The following KNG1 variants were observed in gnomAD, a reference collection of about 807,000 sequenced individuals.
KNG1 encodes the protein kininogen-1.
A neutral mutation model predicts 47.8 loss-of-function variants in KNG1; 23 were observed. That is an observed-to-expected ratio of 0.48 (90% confidence interval 0.35 to 0.68). The LOEUF (loss-of-function observed/expected upper bound fraction) is 0.68, where lower values mean the gene tolerates loss of function less well. KNG1 is among the 30% of genes least tolerant of loss of function. KNG1 has a pLI of 0.01. For synonymous variants in KNG1, 277 were observed against 277.0 expected, an observed-to-expected ratio of 1.00 and a Z score of 0.00; for missense variants, 762 against 790.2, an observed-to-expected ratio of 0.96 and a Z score of 0.43.
rs561269239 is a variant in KNG1, at chr3:186,738,964, C to CAT, written c.931-135_931-134insAT. On this transcript the variant is annotated intron_variant, in intron 7 of 9. Coordinates refer to ENST00000644859, the MANE Select transcript of KNG1 (RefSeq NM_001102416.3). ...ATGCATGCCAAGCTTTAATGCCAAA[C>CAT]GTGTACTTTTTTGTATGTAACTCTC... 412 of 750,712 alleles carry CAT rather than the reference C, an allele frequency of 5.5e-4. 2 individuals are homozygous for CAT. The African/African-American group carries it at 6.3e-3, about 11-fold the overall frequency. The allele number at this position is 750,712 out of a possible 1,614,324, so 46.5% of individuals were successfully genotyped here.
In KNG1 at chr3:186,742,378, T is replaced by C; in HGVS notation, c.*47T>C. The C allele has an allele frequency of 2.5e-6, 4 of 1,607,878 alleles. No homozygotes were observed. Among genetic ancestry groups the C allele is most frequent in the Non-Finnish European group, 3.4e-6 (4 of 1,179,698 alleles). On this transcript the variant is annotated 3_prime_UTR_variant, in exon 10 of 10. Transcript: ENST00000644859. ...CTTTCATACTTTATTAAAGTATCAA[T>C]ATCCCTCTCTCCATTGTCCAGATGA...
rs1405531948 is a variant in KNG1 at position 186,743,868 on chromosome 3, T to C, written c.*1537T>C. ...TTGAGAGGAAGGACAAGAAGAAAGATGGGATAGAATTTAAATAGAGAAGAA... is the reference window on the plus strand; with the variant it reads ...TTGAGAGGAAGGACAAGAAGAAAGACGGGATAGAATTTAAATAGAGAAGAA... On this transcript the variant is annotated 3_prime_UTR_variant, in exon 10 of 10. Coordinates refer to ENST00000644859, the MANE Select transcript of KNG1 (RefSeq NM_001102416.3). The C allele has an allele frequency of 4.2e-6, 4 of 948,324 alleles. No homozygotes were observed. The highest frequency in any genetic ancestry group is 6.9e-6 in the Non-Finnish European group (4 of 577,916). The allele number at this position is 948,324 out of a possible 1,614,324, so 58.7% of individuals were successfully genotyped here. A position where few individuals can be genotyped will look rare whatever the true frequency, so the allele number is the denominator to read the frequency against.
At chr3:186,735,124 T>G (rs1339906420) in intron 7 of KNG1, among the ~76,000 whole-genome samples, 1 of 152,208 alleles carries the variant, frequency 6.6e-6, no homozygotes, top group Non-Finnish European at 1.5e-5. Flanking sequence ...TTTTTCAGCT[T>G]TAACTTCTCA....
At chr3:186,726,288 T>G (rs1205370390) in intron 4 of KNG1, among the ~76,000 whole-genome samples, 5 of 97,964 alleles carry the variant, frequency 5.1e-5, no homozygotes, top group African/African-American at 1.0e-4. Flanking sequence ...TTTTTTTTTT[T>G]TTTTTTGTTT....
chr3:186,742,733 A>C lies in KNG1; in HGVS notation c.*402A>C. 2 of 1,038,906 alleles carry C rather than the reference A, an allele frequency of 1.9e-6. No homozygotes were observed. Among genetic ancestry groups the C allele is most frequent in the Non-Finnish European group, 2.3e-6 (2 of 863,212 alleles). The allele number at this position is 1,038,906 out of a possible 1,614,324, so 64.4% of individuals were successfully genotyped here. A position where few individuals can be genotyped will look rare whatever the true frequency, so the allele number is the denominator to read the frequency against. ...TTTGAATGTGTGTGAAAATAAGGGA[A>C]GTCAAGAGATTAAATGCTGAACTTA... On this transcript the variant is annotated 3_prime_UTR_variant, in exon 10 of 10. Transcript: ENST00000644859.
Position 186,730,743 on chromosome 3 carries a change from C to CAT in KNG1, c.673-792_673-791dup, listed in dbSNP as rs201763561. Among the ~76,000 whole-genome samples the CAT allele has an allele frequency of 2.0e-3, 257 of 129,782 alleles. 2 individuals carry two copies. Among genetic ancestry groups the CAT allele is most frequent in the African/African-American group, 6.8e-3 (235 of 34,448 alleles). The allele number at this position is 129,782 out of a possible 152,430, so 85.1% of individuals were successfully genotyped here. ...ACACACACACACATATATATATACACATATATATATACACATATATATATA... is the reference window on the plus strand; with the variant it reads ...ACACACACACACATATATATATACACATATATATATATACACATATATATATA... On this transcript the variant is annotated intron_variant, in intron 5 of 9. Transcript: ENST00000644859.
chr3:186,725,138 C>G lies in KNG1; in HGVS notation c.442C>G (p.Pro148Ala), dbSNP rs867469799. 4 of 1,614,108 alleles carry G rather than the reference C, an allele frequency of 2.5e-6. No individual in the cohort carries two copies. Among genetic ancestry groups the G allele is most frequent in the Non-Finnish European group, 2.5e-6 (3 of 1,180,024 alleles). ...AQYDCLGCVH[P>A]ISTQSPDLEP... Reference sequence around the variant, plus strand: ...GTACGACTGCCTCGGCTGTGTGCATCCTATATCAACGCAGAGCCCAGACCT... The same window carrying G: ...GTACGACTGCCTCGGCTGTGTGCATGCTATATCAACGCAGAGCCCAGACCT... The change falls in exon 4 of 10, where the codon CCT becomes GCT. Residue 148 changes from proline to alanine, a missense_variant. Physicochemically the swap from Pro to Ala is conservative, Grantham distance 27. Coordinates refer to ENST00000644859, the MANE Select transcript of KNG1 (RefSeq NM_001102416.3).
rs768052381 is a variant in KNG1 at position 186,732,568 on chromosome 3, G to A, written c.824G>A (p.Ser275Asn). ...TGCCCCAGAGATATACCCACCAACAGCCCAGAGCTGGAGGAGACACTGACT... is the reference window on the plus strand; with the variant it reads ...TGCCCCAGAGATATACCCACCAACAACCCAGAGCTGGAGGAGACACTGACT... ...VGCPRDIPTN[S>N]PELEETLTHT... Residue 275 changes from serine to asparagine, a missense_variant, in exon 7 of 10, where the codon AGC (serine) becomes AAC (asparagine). Coordinates refer to ENST00000644859, the MANE Select transcript of KNG1 (RefSeq NM_001102416.3). The A allele has an allele frequency of 3.1e-6, 5 of 1,614,004 alleles. No homozygotes were observed. In the African/African-American group the frequency reaches 6.7e-5, roughly 22 times the overall value.
intron 2 of KNG1, chr3:186,721,540 A>G (rs1283386157): frequency 6.6e-6 from 1 of 152,270 alleles, no homozygotes; most frequent in Non-Finnish European, 1.5e-5. Context: ...GTGTTTGCAC[A>G]CATACTGTTC....
Position 186,741,603 on chromosome 3 carries a change from A to G in KNG1, c.1207A>G (p.Ser403Gly). ...IGEIKEETTVSPPHTSMAPAQ... is the reference protein window; with the variant it reads ...IGEIKEETTVGPPHTSMAPAQ... ...GGAAATAAAAGAAGAAACAACTGTA[A>G]GTCCACCCCACACTTCCATGGCACC... is the stretch of plus-strand genomic sequence containing the variant. Residue 403 changes from serine to glycine, a missense_variant, in exon 10 of 10, where the codon AGT (serine) becomes GGT (glycine). Transcript: ENST00000644859. 6.2e-7 allele frequency: 1 copy of G among 1,611,348 alleles called. No individual in the cohort carries two copies. The highest frequency in any genetic ancestry group is 8.5e-7 in the Non-Finnish European group (1 of 1,179,294).
chr3:186,720,509 A>C (rs1579112534), intron 2 of KNG1: 2 of 388,198 alleles, frequency 5.2e-6, no homozygotes, highest in East Asian at 1.1e-4. Context: ...CATTTGGGCC[A>C]AGCCAAAGAG....
chr3:186,727,020 ATG>A (rs139519865), intron 4 of KNG1, among the ~76,000 whole-genome samples: 24 of 104,580 alleles, frequency 2.3e-4, no homozygotes, highest in Non-Finnish European at 2.7e-4. Context: ...CTAGCGGTGT[ATG>A]TGTGTGTGTG....
At chr3:186,738,613 G>A (rs574079296) in intron 7 of KNG1, 21 of 159,608 alleles carry the variant, frequency 1.3e-4, no homozygotes, top group East Asian at 3.7e-4. Context: ...TTGGGAGGCC[G>A]AGGCAGGTGG....
rs531439141 is a variant in KNG1 at position 186,744,379 on chromosome 3, T to C, written c.*2048T>C. On this transcript the variant is annotated 3_prime_UTR_variant, in exon 10 of 10. Coordinates refer to ENST00000644859, the MANE Select transcript of KNG1 (RefSeq NM_001102416.3). Reference sequence around the variant, plus strand: ...TTTCTGATCCAGGTAAAGAAGCAAATTGAAAATCAATAAAGTAAAAAGTGA... The same window carrying C: ...TTTCTGATCCAGGTAAAGAAGCAAACTGAAAATCAATAAAGTAAAAAGTGA... The C allele has an allele frequency of 2.0e-5, 3 of 153,428 alleles. No homozygotes were observed. The highest frequency in any genetic ancestry group is 1.9e-4 in the East Asian group (1 of 5,218). The allele number at this position is 153,428 out of a possible 1,614,324, so 9.5% of individuals were successfully genotyped here.
chr3:186,729,728 A>G (rs5030034), intron 5 of KNG1, among the ~76,000 whole-genome samples: 2,093 of 151,692 alleles, frequency 0.014, 46 homozygotes, highest in African/African-American at 0.048. Context: ...GCTGGAGTGC[A>G]ATAGCGCGAT....
chr3:186,720,085 T>G lies in KNG1; in HGVS notation c.196-20T>G. ...TTGGGTCAGTTGGATGAACCCTAAG[T>G]ATCTTTGGCTGCTTTTCAGGTTGGC... On this transcript the variant is annotated intron_variant, in intron 1 of 9. Coordinates refer to ENST00000644859, the MANE Select transcript of KNG1 (RefSeq NM_001102416.3). 1 of 1,526,284 alleles carries G rather than the reference T, an allele frequency of 6.6e-7. No homozygotes were observed. The highest frequency in any genetic ancestry group is 9.1e-7 in the Non-Finnish European group (1 of 1,099,754). 94.5% of individuals were successfully genotyped at this position (1,526,284 alleles called of 1,614,324 possible). A position where few individuals can be genotyped will look rare whatever the true frequency, so the allele number is the denominator to read the frequency against.
At chr3:186,728,186 G>T (rs1243508436) in intron 5 of KNG1, among the ~76,000 whole-genome samples, 1 of 152,100 alleles carries the variant, frequency 6.6e-6, no homozygotes, top group African/African-American at 2.4e-5. Flanking sequence ...ATATCTCAAG[G>T]TAGTAGTAGC....
At chr3:186,725,542 G>GTTTTTTTTTTTTTTTTTTTT (rs1560063426) in intron 4 of KNG1, among the ~76,000 whole-genome samples, 2 of 75,020 alleles carry the variant, frequency 2.7e-5, no homozygotes, top group African/African-American at 5.3e-5. Context: ...CCGGCCTTAG[G>GTTTTTTTTTTTTTTTTTTTT]ATTTTTTTTT....
intron 5 of KNG1, among the ~76,000 whole-genome samples, chr3:186,728,185 G>A (rs1001303333): frequency 6.6e-6 from 1 of 152,152 alleles, no homozygotes; most frequent in Non-Finnish European, 1.5e-5. Context: ...TATATCTCAA[G>A]GTAGTAGTAG....
Sources: allele counts gnomAD v4.1 joint callset (sites outside exome capture counted in the v4.1 genomes callset), GRCh38; gene constraint gnomAD v4.1.1; transcripts MANE v1.5; gene names NCBI Gene and HGNC (gene_info 2026-07-23, HGNC 2026-07-21).